SOX5: variants seen among roughly 807,000 people sequenced by gnomAD.
The protein encoded by SOX5 is transcription factor SOX-5.
SOX5 carries 9 observed loss-of-function variants against 92.0 expected under a neutral mutation model. That is an observed-to-expected ratio of 0.10 (90% CI 0.06 to 0.17). The LOEUF is 0.17. Among genes scored for constraint, SOX5 ranks in the 10% least tolerant of loss-of-function variants. The pLI, the probability that SOX5 is intolerant of heterozygous loss-of-function variation, is 1.00. For missense variants in SOX5, 642 were observed against 944.5 expected, an observed-to-expected ratio of 0.68 and a Z score of 4.20; for synonymous variants, 344 against 336.3, an observed-to-expected ratio of 1.02 and a Z score of -0.25.
chr12:23,725,365 T>G (rs1161418110), intron 6 of SOX5, among the ~76,000 whole-genome samples: 2 of 152,106 alleles, frequency 1.3e-5, no homozygotes, highest in African/African-American at 4.8e-5. Flanking sequence ...TGGGACGTCT[T>G]ACATGGCAGC....
At position 24,237,453 on chromosome 12, in the gene SOX5, T is replaced by C. The variant is rs144063817; in HGVS notation, c.-76-24036A>G. 1.7e-3 allele frequency among the ~76,000 whole-genome samples: 264 copies of C among 152,332 alleles called. 3 individuals carry two copies. The highest frequency in any genetic ancestry group is 5.8e-3 in the African/African-American group (242 of 41,578). On this transcript the variant is annotated intron_variant, in intron 3 of 4. Coordinates refer to the SOX5 transcript ENST00000446891. Reference sequence around the variant, plus strand: ...AAGCTTTATTCATGTATGTAGATTATTGGATACTAATAATAAACATTCTAA... The same window carrying C: ...AAGCTTTATTCATGTATGTAGATTACTGGATACTAATAATAAACATTCTAA...
chr12:24,287,081 G>C (rs959590968), intron 2 of SOX5, among the ~76,000 whole-genome samples: 1 of 152,110 alleles, frequency 6.6e-6, no homozygotes, highest in Non-Finnish European at 1.5e-5. Flanking sequence ...TCTAGTCCCC[G>C]AAGTTCAGGT....
intron 2 of SOX5, among the ~76,000 whole-genome samples, chr12:23,860,369 A>G (rs1223281335): frequency 1.3e-5 from 2 of 152,208 alleles, no homozygotes; most frequent in Non-Finnish European, 2.9e-5. Context: ...AAGCAATGAT[A>G]AGATTAAGCA....
chr12:24,495,858 C>A (rs1224605325), intron 1 of SOX5, among the ~76,000 whole-genome samples: 1 of 152,078 alleles, frequency 6.6e-6, no homozygotes, highest in Non-Finnish European at 1.5e-5. Flanking sequence ...GAGCTCAGTT[C>A]CGAGAGAGTC....
intron 6 of SOX5, among the ~76,000 whole-genome samples, chr12:23,720,695 C>T (rs1275200015): frequency 1.3e-5 from 2 of 152,114 alleles, no homozygotes; most frequent in Non-Finnish European, 2.9e-5. Context: ...AAATAAATTA[C>T]TAATTTCAGT....
chr12:24,068,704 GTATATATATA>G (rs1164844032), intron 4 of SOX5, among the ~76,000 whole-genome samples: 827 of 74,218 alleles, frequency 0.011, 16 homozygotes, highest in African/African-American at 0.029. Context: ...GTGTGTGTGT[GTATATATATA>G]TATATATATA....
At chr12:24,370,755 G>T (rs1956659324) in intron 1 of SOX5, among the ~76,000 whole-genome samples, 1 of 152,190 alleles carries the variant, frequency 6.6e-6, no homozygotes, top group South Asian at 2.1e-4. Context: ...TCGTGCCATT[G>T]TACTCCAGCC....
At chr12:24,555,108 G>A (rs890950111) in intron 1 of SOX5, among the ~76,000 whole-genome samples, 8 of 152,214 alleles carry the variant, frequency 5.3e-5, no homozygotes, top group African/African-American at 1.7e-4. Context: ...AGGAGCTCGC[G>A]CTGAGGGCCA....
intron 3 of SOX5, among the ~76,000 whole-genome samples, chr12:23,820,975 C>T (rs1212587126): frequency 1.3e-5 from 2 of 152,072 alleles, no homozygotes; most frequent in African/African-American, 4.8e-5. Flanking sequence ...TCAATGGTAG[C>T]TTGATGGAAA....
chr12:23,541,623 A>T (rs954170564), intron 13 of SOX5, among the ~76,000 whole-genome samples: 1 of 152,212 alleles, frequency 6.6e-6, no homozygotes, highest in African/African-American at 2.4e-5. Flanking sequence ...TATGCATGAT[A>T]TATATTTTTA....
intron 4 of SOX5, among the ~76,000 whole-genome samples, chr12:24,090,477 C>T (rs183762756): frequency 2.2e-4 from 33 of 151,764 alleles, no homozygotes; most frequent in African/African-American, 4.8e-4. Flanking sequence ...GTAAGTGAGA[C>T]GACAAAATTA....
chr12:23,962,030 C>T (rs1947000515), intron 4 of SOX5, among the ~76,000 whole-genome samples: 2 of 152,230 alleles, frequency 1.3e-5, no homozygotes, highest in Admixed American at 6.5e-5. Flanking sequence ...TGATAAGTTA[C>T]ATTGAATTTC....
At chr12:24,279,397 A>C (rs1420605437) in intron 2 of SOX5, among the ~76,000 whole-genome samples, 2 of 152,138 alleles carry the variant, frequency 1.3e-5, no homozygotes, top group East Asian at 3.8e-4. Context: ...ATTTAATTAC[A>C]GAGCAGTGAA....
intron 4 of SOX5, among the ~76,000 whole-genome samples, chr12:24,008,228 C>T (rs996181719): frequency 6.6e-6 from 1 of 151,986 alleles, no homozygotes; most frequent in African/African-American, 2.4e-5. Flanking sequence ...GTACATTTTG[C>T]AGAATATTAT....
intron 4 of SOX5, among the ~76,000 whole-genome samples, chr12:23,999,583 T>G (rs1951397659): frequency 2.0e-5 from 3 of 151,806 alleles, no homozygotes; most frequent in African/African-American, 7.3e-5. Context: ...ATTCAATTTT[T>G]ATTTGTCAGT....
intron 1 of SOX5, among the ~76,000 whole-genome samples, chr12:24,448,451 C>A (rs983659542): frequency 6.6e-6 from 1 of 152,034 alleles, no homozygotes; most frequent in African/African-American, 2.4e-5. Context: ...AACAATAAGC[C>A]CTGGCAATAC....
At chr12:23,873,799 ATTG>A in intron 2 of SOX5, among the ~76,000 whole-genome samples, 1 of 152,304 alleles carries the variant, frequency 6.6e-6, no homozygotes, top group East Asian at 1.9e-4. Flanking sequence ...CATGTGAATG[ATTG>A]TTGTTTAAGA....
At chr12:23,907,919 C>G (rs12579156) in intron 1 of SOX5, among the ~76,000 whole-genome samples, 12,312 of 152,094 alleles carry the variant, frequency 0.081, 539 homozygotes, top group East Asian at 0.095. Context: ...ATTTTAGATT[C>G]CAAAATAATA....
chr12:24,326,168 T>A (rs1018643810), intron 2 of SOX5, among the ~76,000 whole-genome samples: 1 of 152,196 alleles, frequency 6.6e-6, no homozygotes, highest in African/African-American at 2.4e-5. Flanking sequence ...GTAAAACATT[T>A]GCTTCCCTTT....
Sources: gnomAD v4.1 joint callset for allele counts (sites outside exome capture counted in the v4.1 genomes callset) on GRCh38, gnomAD v4.1.1 for gene constraint, MANE v1.5 for transcripts, NCBI Gene and HGNC (gene_info 2026-07-23, HGNC 2026-07-21) for gene names.